Variants in CPM observed in about 807,000 individuals in gnomAD.
CPM encodes carboxypeptidase M.
In CPM, 35 loss-of-function variants were observed where a neutral mutation model predicts 46.4. The observed-to-expected ratio is 0.75, with a 90% confidence interval of 0.58 to 1.00. CPM has a LOEUF of 1.00. CPM is among the 50% of genes least tolerant of loss of function. CPM has a pLI of 0.00. For synonymous variants in CPM, 195 were observed against 195.3 expected, an observed-to-expected ratio of 1.00 and a Z score of 0.01; for missense variants, 422 against 530.4, an observed-to-expected ratio of 0.80 and a Z score of 2.01.
chr12:68,873,330 C>T (rs4506728), intron 3 of CPM, among the ~76,000 whole-genome samples: 9,554 of 152,122 alleles, frequency 0.063, 499 homozygotes, highest in East Asian at 0.18. Context: ...ATAAAGAGAC[C>T]ACATTTTAAA....
At chr12:68,849,865 G>A (rs1884583144), downstream of CPM, 1 of 152,468 alleles carries the variant, frequency 6.6e-6, no homozygotes, top group Non-Finnish European at 1.5e-5. Flanking sequence ...CAGTCGCCTC[G>A]GCCTCCCAAA....
At chr12:68,866,496 A>T (rs1885452734) in intron 7 of CPM, among the ~76,000 whole-genome samples, 1 of 152,156 alleles carries the variant, frequency 6.6e-6, no homozygotes, top group African/African-American at 2.4e-5. Flanking sequence ...GGCGTGTGCC[A>T]CCACGCCTGG....
At chr12:68,933,719 A>G (rs1462626427), upstream of CPM, among the ~76,000 whole-genome samples, 1 of 152,204 alleles carries the variant, frequency 6.6e-6, no homozygotes, top group African/African-American at 2.4e-5. Flanking sequence ...AGCGAGGCTA[A>G]GCAATCACGG....
rs1389556885 is a variant in CPM at position 68,870,211 on chromosome 12, T to G, written c.616+4A>C. On this transcript the variant is annotated splice_donor_region_variant and intron_variant, in intron 5 of 8. Coordinates refer to ENST00000551568, the MANE Select transcript of CPM (RefSeq NM_198320.5). ...AAGCCAGAACTGGACCCGCACCTGC[T>G]TACCTTGAACACCATTATCAAATGG... The G allele has an allele frequency of 6.2e-7, 1 of 1,612,008 alleles. No individual in the cohort carries two copies. The highest frequency in any genetic ancestry group is 1.3e-5 in the African/African-American group (1 of 74,816).
intron 2 of CPM, among the ~76,000 whole-genome samples, chr12:68,899,202 A>G (rs1276613227): frequency 6.6e-6 from 1 of 152,256 alleles, no homozygotes; most frequent in Admixed American, 6.5e-5. Flanking sequence ...TTGAGAGAAC[A>G]TGTCCTTCAA....
At chr12:68,883,720 C>A (rs1886299499) in intron 3 of CPM, among the ~76,000 whole-genome samples, 1 of 152,048 alleles carries the variant, frequency 6.6e-6, no homozygotes, top group South Asian at 2.1e-4. Flanking sequence ...GGACTAATTT[C>A]TGAGTAGATA....
chr12:68,857,969 G>A (rs1193458266), intron 8 of CPM, among the ~76,000 whole-genome samples: 3 of 152,092 alleles, frequency 2.0e-5, no homozygotes, highest in South Asian at 2.1e-4. Flanking sequence ...CCATTTTCTC[G>A]GCAGGAGTAG....
chr12:68,906,646 C>A (rs562548478), intron 2 of CPM, among the ~76,000 whole-genome samples: 2 of 152,228 alleles, frequency 1.3e-5, no homozygotes, highest in Admixed American at 6.5e-5. Flanking sequence ...TCCGCCATCA[C>A]ACCTGGCTAA....
At position 68,852,934 on chromosome 12, in the gene CPM, TATA is replaced by T. The variant is rs1383699154; in HGVS notation, c.*3500_*3502del. 4 of 152,130 alleles carry T rather than the reference TATA, an allele frequency of 2.6e-5. 1 individual carries two copies. Among genetic ancestry groups the T allele is most frequent in the African/African-American group, 9.7e-5 (4 of 41,416 alleles). 9.4% of individuals were successfully genotyped at this position (152,130 alleles called of 1,614,324 possible). On this transcript the variant is annotated 3_prime_UTR_variant, in exon 9 of 9. Transcript: ENST00000551568. The stretch of plus-strand genomic sequence containing the variant: ...AAAGTGTGTATCAGGTTGGTTTCTC[TATA>T]AAAGGAATTATAGCTGAACTAGAGC...
intron 1 of CPM, among the ~76,000 whole-genome samples, chr12:68,960,869 T>C (rs1377771236): frequency 6.6e-6 from 1 of 152,166 alleles, no homozygotes; most frequent in African/African-American, 2.4e-5. Context: ...CTTTGTCCTA[T>C]CTGCAGAACA....
At chr12:68,880,193 A>T (rs1886130965) in intron 3 of CPM, among the ~76,000 whole-genome samples, 1 of 152,196 alleles carries the variant, frequency 6.6e-6, no homozygotes, top group Admixed American at 6.5e-5. Flanking sequence ...CTTCAATCCA[A>T]CATGCCAATA....
At chr12:68,903,402 T>C (rs1017634057) in intron 2 of CPM, among the ~76,000 whole-genome samples, 13 of 152,098 alleles carry the variant, frequency 8.5e-5, no homozygotes, top group African/African-American at 3.1e-4. Context: ...TCTGTCAGAG[T>C]AGGCCCAAGA....
At chr12:68,935,703 C>G (rs550321800), upstream of CPM, among the ~76,000 whole-genome samples, 19 of 151,596 alleles carry the variant, frequency 1.3e-4, no homozygotes, top group Non-Finnish European at 2.6e-4. Context: ...GGGTTGAAGA[C>G]GTTTCCCTTT....
At chr12:68,933,605 G>T (rs1469863706), upstream of CPM, among the ~76,000 whole-genome samples, 3 of 152,030 alleles carry the variant, frequency 2.0e-5, no homozygotes, top group Non-Finnish European at 4.4e-5. Flanking sequence ...GAGCCGGGAC[G>T]CATGCGGAGT....
chr12:68,902,656 A>G (rs1001029751), intron 2 of CPM, among the ~76,000 whole-genome samples: 5 of 152,222 alleles, frequency 3.3e-5, no homozygotes, highest in Non-Finnish European at 7.3e-5. Flanking sequence ...TAATTTCCAA[A>G]GTGCTTTATC....
At chr12:68,943,639 A>G (rs2136331669) in intron 1 of CPM, among the ~76,000 whole-genome samples, 1 of 152,156 alleles carries the variant, frequency 6.6e-6, no homozygotes, top group South Asian at 2.1e-4. Flanking sequence ...CTCCTACTAT[A>G]CTTTGTTTAT....
chr12:68,948,526 T>TG (rs1014690691), intron 1 of CPM, among the ~76,000 whole-genome samples: 2 of 151,968 alleles, frequency 1.3e-5, no homozygotes, highest in African/African-American at 2.4e-5. Flanking sequence ...TTGGGGGTTT[T>TG]GGGGGGAGGG....
At chr12:68,877,653 GAATTT>G (rs1336355280) in intron 3 of CPM, among the ~76,000 whole-genome samples, 3 of 152,178 alleles carry the variant, frequency 2.0e-5, no homozygotes, top group Admixed American at 6.5e-5. Context: ...TAAAAAGAAA[GAATTT>G]AATTATTCAA....
chr12:68,925,340 G>A (rs980886695), intron 2 of CPM, among the ~76,000 whole-genome samples: 1 of 152,076 alleles, frequency 6.6e-6, no homozygotes, highest in African/African-American at 2.4e-5. Context: ...TATGTGCCAG[G>A]AATTATTCTA....
Sources: allele counts gnomAD v4.1 joint callset (sites outside exome capture counted in the v4.1 genomes callset), GRCh38; gene constraint gnomAD v4.1.1; transcripts MANE v1.5; gene names NCBI Gene and HGNC (gene_info 2026-07-23, HGNC 2026-07-21).